FBXO4: variants seen among roughly 807,000 people sequenced by gnomAD.
FBXO4 encodes the protein F-box only protein 4.
Under a neutral mutation model 43.7 loss-of-function variants are expected in FBXO4, and 36 were observed. The observed-to-expected ratio is 0.82, with a 90% CI of 0.63 to 1.09. The LOEUF (loss-of-function observed/expected upper bound fraction) is 1.09. Ranked by LOEUF, FBXO4 falls within the 50% of genes least tolerant of loss-of-function variation. The pLI is 0.00. For missense variants in FBXO4, 435 were observed against 474.1 expected (o/e 0.92, Z 0.77); for synonymous variants, 180 against 165.6 (o/e 1.09, Z -0.67).
the FBXO4 span, among the ~76,000 whole-genome samples, chr5:41,996,132 A>C: frequency 6.6e-6 from 1 of 152,166 alleles, no homozygotes; most frequent in Admixed American, 6.5e-5. Flanking sequence ...AGTGGAGACC[A>C]TGGGCATTTG....
chr5:42,027,775 C>T, the FBXO4 span, among the ~76,000 whole-genome samples: 2,430 of 151,288 alleles, frequency 0.016, 119 homozygotes, highest in East Asian at 0.1. Flanking sequence ...CATTTTCTAA[C>T]TTATTCGTTG....
At chr5:41,925,621 C>A in intron 1 of FBXO4, 123 bp downstream of exon 1, 1 of 658,178 alleles carries the variant, frequency 1.5e-6, no homozygotes, top group Non-Finnish European at 2.2e-6. Context: ...TCCGTCCATG[C>A]AGCCATTCCT....
chr5:41,996,313 G>T, the FBXO4 span, among the ~76,000 whole-genome samples: 1 of 152,182 alleles, frequency 6.6e-6, no homozygotes, highest in Non-Finnish European at 1.5e-5. Flanking sequence ...ATGGTGACTT[G>T]ATGATCCATA....
intron 3 of FBXO4, among the ~76,000 whole-genome samples, chr5:41,932,205 C>T (rs778960237): frequency 5.9e-5 from 9 of 152,082 alleles, no homozygotes; most frequent in Non-Finnish European, 7.3e-5. Context: ...CTCAGCAAGA[C>T]GAGAGAATAT....
the FBXO4 span, among the ~76,000 whole-genome samples, chr5:42,026,363 C>A: frequency 2.0e-5 from 3 of 151,658 alleles, no homozygotes; most frequent in Admixed American, 6.6e-5. Flanking sequence ...AAATGCCACA[C>A]TGATTTTTAT....
chr5:42,033,536 T>C, the FBXO4 span, among the ~76,000 whole-genome samples: 2,439 of 152,208 alleles, frequency 0.016, 122 homozygotes, highest in East Asian at 0.1. Context: ...TAATGCTCTT[T>C]CTCCCCTCGC....
chr5:41,977,162 C>G, the FBXO4 span, among the ~76,000 whole-genome samples: 2 of 152,196 alleles, frequency 1.3e-5, no homozygotes, highest in African/African-American at 4.8e-5. Context: ...ATGTGAGGGG[C>G]TGCCTTGAAG....
chr5:42,026,338 A>T, the FBXO4 span, among the ~76,000 whole-genome samples: 1 of 151,634 alleles, frequency 6.6e-6, no homozygotes, highest in Non-Finnish European at 1.5e-5. Flanking sequence ...CACATTTTTC[A>T]CTGTTGGCAT....
the FBXO4 span, among the ~76,000 whole-genome samples, chr5:42,019,342 C>T: frequency 0.11 from 16,980 of 152,044 alleles, 1,491 homozygotes; most frequent in African/African-American, 0.25. Flanking sequence ...ATAAGTTAGA[C>T]GCTCAAATTA....
chr5:41,990,056 G>T, the FBXO4 span, among the ~76,000 whole-genome samples: 25 of 152,100 alleles, frequency 1.6e-4, no homozygotes, highest in African/African-American at 6.0e-4. Context: ...CCTTTAATTC[G>T]TACAATAATA....
At chr5:42,005,167 G>A in the FBXO4 span, among the ~76,000 whole-genome samples, 1 of 152,120 alleles carries the variant, frequency 6.6e-6, no homozygotes, top group African/African-American at 2.4e-5. Flanking sequence ...AGATACAGCC[G>A]GAGAACCTGA....
chr5:41,995,423 A>G, the FBXO4 span, among the ~76,000 whole-genome samples: 4,042 of 152,304 alleles, frequency 0.027, 146 homozygotes, highest in Admixed American at 0.084. Flanking sequence ...AATATCAAGG[A>G]CTAAGTGTTC....
chr5:41,930,922 C>T (rs554352329), intron 3 of FBXO4, among the ~76,000 whole-genome samples: 3 of 152,316 alleles, frequency 2.0e-5, no homozygotes, highest in East Asian at 3.9e-4. Flanking sequence ...TCCCAAAGTG[C>T]TGGGATTACA....
At chr5:42,035,733 G>C in the FBXO4 span, among the ~76,000 whole-genome samples, 1 of 152,100 alleles carries the variant, frequency 6.6e-6, no homozygotes, top group African/African-American at 2.4e-5. Flanking sequence ...TGTCATGCAA[G>C]AGCTTTTCCC....
chr5:41,967,773 A>T, the FBXO4 span: 1 of 614,496 alleles, frequency 1.6e-6, no homozygotes, highest in East Asian at 4.0e-5. Flanking sequence ...TTCTCTCATC[A>T]ATGTGCTCTG....
chr5:41,938,135 G>GT (rs1360660972), intron 5 of FBXO4, among the ~76,000 whole-genome samples: 1 of 151,852 alleles, frequency 6.6e-6, no homozygotes, highest in Non-Finnish European at 1.5e-5. Context: ...TATATAAAAG[G>GT]TTTTTTTCTA....
At chr5:42,004,383 T>C in the FBXO4 span, among the ~76,000 whole-genome samples, 1 of 152,118 alleles carries the variant, frequency 6.6e-6, no homozygotes, top group Non-Finnish European at 1.5e-5. Flanking sequence ...GTAATTTTCT[T>C]AAGGTGAAGA....
At chr5:41,961,173 GAGGTCA>G in the FBXO4 span, among the ~76,000 whole-genome samples, 1 of 152,170 alleles carries the variant, frequency 6.6e-6, no homozygotes, top group Non-Finnish European at 1.5e-5. Context: ...CCTGTCTGCT[GAGGTCA>G]ATGTTGATGA....
intron 6 of FBXO4, among the ~76,000 whole-genome samples, chr5:41,940,349 C>T (rs1195072725): frequency 6.6e-6 from 1 of 152,122 alleles, no homozygotes; most frequent in African/African-American, 2.4e-5. Context: ...CCAACCTCTG[C>T]CTCCTGGGTT....
Sources: allele counts gnomAD v4.1 joint callset (sites outside exome capture counted in the v4.1 genomes callset), GRCh38; gene constraint gnomAD v4.1.1; transcripts MANE v1.5; gene names NCBI Gene and HGNC (gene_info 2026-07-23, HGNC 2026-07-21).